Variants in SLCO1A2 observed in about 807,000 individuals in gnomAD.
The protein encoded by SLCO1A2 is solute carrier organic anion transporter family member 1A2.
SLCO1A2 carries 67 observed loss-of-function variants against 69.0 expected under a neutral mutation model. That is an observed-to-expected ratio of 0.97 (90% confidence interval 0.80 to 1.19). The LOEUF (loss-of-function observed/expected upper bound fraction) is 1.19. Among genes scored for constraint, SLCO1A2 ranks in the 50% most tolerant of loss-of-function variants. The probability of loss-of-function intolerance (pLI) is 0.00; values close to 1 mark genes in which losing one functional copy is unlikely to be tolerated. For missense variants in SLCO1A2, 787 were observed against 793.7 expected (o/e 0.99, Z 0.10); for synonymous variants, 260 against 265.9 (o/e 0.98, Z 0.22).
chr12:21,381,268 C>T (rs763357206), intron 1 of SLCO1A2, among the ~76,000 whole-genome samples: 1 of 151,558 alleles, frequency 6.6e-6, no homozygotes, highest in East Asian at 1.9e-4. Flanking sequence ...ACTACCCATC[C>T]GATAAAGAAC....
intron 4 of SLCO1A2, among the ~76,000 whole-genome samples, chr12:21,313,798 G>A (rs550442026): frequency 4.0e-5 from 6 of 150,474 alleles, no homozygotes; most frequent in African/African-American, 9.8e-5. Flanking sequence ...GTGAAACCCC[G>A]TCTCTACTAA....
At chr12:21,404,769 C>A (rs1157287673) in intron 1 of SLCO1A2, among the ~76,000 whole-genome samples, 1 of 152,128 alleles carries the variant, frequency 6.6e-6, no homozygotes, top group Non-Finnish European at 1.5e-5. Flanking sequence ...GGATTGCTGG[C>A]TCAAATAGTA....
intron 2 of SLCO1A2, among the ~76,000 whole-genome samples, chr12:21,363,561 T>C (rs968962734): frequency 6.6e-6 from 1 of 151,682 alleles, no homozygotes; most frequent in East Asian, 1.9e-4. Flanking sequence ...AGAACTGAAG[T>C]AGATAGAGAC....
At position 21,274,483 on chromosome 12, in the gene SLCO1A2, A is replaced by C; in HGVS notation, c.1779T>G (p.Asp593Glu). 6.2e-7 allele frequency: 1 copy of C among 1,606,888 alleles called. No homozygotes were observed. The highest frequency in any genetic ancestry group is 8.5e-7 in the Non-Finnish European group (1 of 1,173,504). The stretch of plus-strand genomic sequence containing the variant: ...ATTATCTTTACCTGAAGGTGGTGGA[A>C]TCATATATCCTGCATGCCCCTGACT... ...CGESGACRIY[D>E]STTFRYIYLG... The change falls in exon 14 of 15, where the codon GAT becomes GAG. Residue 593 changes from aspartate to glutamate, a missense_variant. By Grantham distance (45) the Asp-to-Glu change is conservative (BLOSUM62 2). Coordinates refer to ENST00000683939, the MANE Select transcript of SLCO1A2 (RefSeq NM_001386879.1).
At chr12:21,414,293 A>C (rs201736685) in intron 1 of SLCO1A2, among the ~76,000 whole-genome samples, 1 of 132,172 alleles carries the variant, frequency 7.6e-6, no homozygotes, top group East Asian at 2.3e-4. Context: ...TTTTTTTTTT[A>C]ATTTCTTCTT....
chr12:21,327,133 C>T (rs1398000602), intron 2 of SLCO1A2, among the ~76,000 whole-genome samples: 1 of 152,168 alleles, frequency 6.6e-6, no homozygotes, highest in Non-Finnish European at 1.5e-5. Context: ...CCAATGTACA[C>T]TCAGGCCACT....
intron 1 of SLCO1A2, among the ~76,000 whole-genome samples, chr12:21,407,215 C>T (rs1454388131): frequency 2.6e-5 from 4 of 152,002 alleles, no homozygotes; most frequent in South Asian, 2.1e-4. Flanking sequence ...GGAAAAAATA[C>T]GTGAATATCT....
intron 2 of SLCO1A2, among the ~76,000 whole-genome samples, chr12:21,372,197 G>T (rs962303395): frequency 6.6e-6 from 1 of 152,172 alleles, no homozygotes; most frequent in African/African-American, 2.4e-5. Flanking sequence ...AAATTTCTGT[G>T]TAAGAATGAA....
intron 4 of SLCO1A2, among the ~76,000 whole-genome samples, chr12:21,312,179 C>T (rs1375918543): frequency 6.6e-6 from 1 of 152,240 alleles, no homozygotes; most frequent in Non-Finnish European, 1.5e-5. Flanking sequence ...GCTAGATCTT[C>T]TGGATAACTT....
At chr12:21,398,602 T>A (rs917158550), upstream of SLCO1A2, among the ~76,000 whole-genome samples, 2 of 152,084 alleles carry the variant, frequency 1.3e-5, no homozygotes, top group African/African-American at 4.8e-5. Flanking sequence ...ATATCCTTGA[T>A]GAACATTGAT....
intron 14 of SLCO1A2, among the ~76,000 whole-genome samples, chr12:21,271,458 G>GAGGT (rs150018371): frequency 1.1e-4 from 17 of 151,046 alleles, no homozygotes; most frequent in Non-Finnish European, 4.4e-5. Context: ...ATTCTTATTT[G>GAGGT]AGATAGGAAA....
intron 1 of SLCO1A2, among the ~76,000 whole-genome samples, chr12:21,409,840 G>A (rs185738752): frequency 3.1e-4 from 47 of 152,254 alleles, no homozygotes; most frequent in Admixed American, 6.5e-4. Flanking sequence ...CACATTATGT[G>A]TGTTCTCTTC....
intron 1 of SLCO1A2, among the ~76,000 whole-genome samples, chr12:21,407,950 C>T (rs1467542189): frequency 1.3e-5 from 2 of 152,060 alleles, no homozygotes; most frequent in African/African-American, 4.8e-5. Flanking sequence ...TTTGGTGCAA[C>T]TGACAGTAAA....
In SLCO1A2 at chr12:21,265,315, G is replaced by T. The variant is rs1241141076; in HGVS notation, c.*4233C>A. ...ACTCTGGGAGAACAGCATGCATTCT[G>T]GGCAGGGTGGGACACAGTGAAGGGA... On this transcript the variant is annotated 3_prime_UTR_variant, in exon 15 of 15. Coordinates refer to ENST00000683939, the MANE Select transcript of SLCO1A2 (RefSeq NM_001386879.1). The T allele has an allele frequency of 6.6e-6, 1 of 152,352 alleles. No individual in the cohort carries two copies. The highest frequency in any genetic ancestry group is 1.5e-5 in the Non-Finnish European group (1 of 68,222). The allele number at this position is 152,352 out of a possible 1,614,324, so 9.4% of individuals were successfully genotyped here. A position where few individuals can be genotyped will look rare whatever the true frequency, so the allele number is the denominator to read the frequency against.
intron 12 of SLCO1A2, among the ~76,000 whole-genome samples, chr12:21,277,491 ACTCT>A (rs559340138): frequency 6.2e-4 from 79 of 128,040 alleles, no homozygotes; most frequent in Non-Finnish European, 7.3e-4. Context: ...GTGGTGAGAG[ACTCT>A]CTGTTTGAGA....
At chr12:21,395,361 CG>C (rs1941397365) in exon 1 of SLCO1A2, 2 of 152,900 alleles carry the variant, frequency 1.3e-5, no homozygotes, top group African/African-American at 4.8e-5. Flanking sequence ...GCACCTGGCT[CG>C]GAGGGTCCTA....
At chr12:21,296,801 G>A (rs1341693187) in intron 9 of SLCO1A2, among the ~76,000 whole-genome samples, 1 of 152,166 alleles carries the variant, frequency 6.6e-6, no homozygotes, top group African/African-American at 2.4e-5. Flanking sequence ...TGTCTGAGGG[G>A]GAACCCCAGG....
chr12:21,282,979 T>C (rs113602450), intron 12 of SLCO1A2, among the ~76,000 whole-genome samples: 5,029 of 152,196 alleles, frequency 0.033, 76 homozygotes, highest in Middle Eastern at 0.051. Context: ...AGAAACAATA[T>C]TGCTAAAACC....
At chr12:21,327,108 G>T (rs531964306) in intron 2 of SLCO1A2, among the ~76,000 whole-genome samples, 1 of 152,128 alleles carries the variant, frequency 6.6e-6, no homozygotes, top group East Asian at 1.9e-4. Context: ...TCCCAGCCAT[G>T]GGACCCAGAA....
Sources: gnomAD v4.1 joint callset for allele counts (sites outside exome capture counted in the v4.1 genomes callset) on GRCh38, gnomAD v4.1.1 for gene constraint, MANE v1.5 for transcripts, NCBI Gene and HGNC (gene_info 2026-07-23, HGNC 2026-07-21) for gene names.